TRAP1: variants seen among roughly 807,000 people sequenced by gnomAD.
TRAP1 encodes the protein heat shock protein 75 kDa, mitochondrial.
In TRAP1, 102 loss-of-function variants were observed where a neutral mutation model predicts 89.1. The observed-to-expected ratio is 1.15, with a 90% CI of 0.98 to 1.35. The LOEUF is 1.35. TRAP1 is among the 40% of genes most tolerant of loss of function. The pLI, the probability that TRAP1 is intolerant of heterozygous loss-of-function variation, is 0.00. For missense variants in TRAP1, 1,256 were observed against 945.3 expected (o/e 1.33, Z -4.31); for synonymous variants, 508 against 388.0 (o/e 1.31, Z -3.64).
At chr16:3,662,636 G>T (rs1476612953) in intron 15 of TRAP1, 1 of 671,828 alleles carries the variant, frequency 1.5e-6, no homozygotes, top group Non-Finnish European at 2.7e-6. Flanking sequence ...TCAGGATGCT[G>T]GTTTTTCAGT....
At chr16:3,715,928 T>TCTC (rs2051592558) in intron 1 of TRAP1, among the ~76,000 whole-genome samples, 1 of 152,200 alleles carries the variant, frequency 6.6e-6, no homozygotes, top group African/African-American at 2.4e-5. Flanking sequence ...AGTGGTGCAA[T>TCTC]CTCAGCTCAC....
At chr16:3,673,061 C>A (rs1405998920) in intron 9 of TRAP1, among the ~76,000 whole-genome samples, 4 of 152,084 alleles carry the variant, frequency 2.6e-5, no homozygotes, top group Admixed American at 2.6e-4. Context: ...AAGGAGGACA[C>A]AAGAGAGTGA....
intron 1 of TRAP1, among the ~76,000 whole-genome samples, chr16:3,705,481 G>T (rs1374740914): frequency 6.6e-6 from 1 of 152,078 alleles, no homozygotes; most frequent in African/African-American, 2.4e-5. Flanking sequence ...TGTCTCTATG[G>T]ATTTGCCTTT....
Position 3,669,703 on chromosome 16 carries a change from G to A in TRAP1, c.1235+2019C>T, listed in dbSNP as rs189454165. 2.6e-5 allele frequency among the ~76,000 whole-genome samples: 4 copies of A among 151,748 alleles called. No homozygotes were observed. The East Asian group carries it at 5.8e-4, about 22-fold the overall frequency. ...CAAAAAATTAGCTGGGCGTGGTGGTGGGTGCCTGTATCCCAGCTACTCGGG... is the reference window on the plus strand; with the variant it reads ...CAAAAAATTAGCTGGGCGTGGTGGTAGGTGCCTGTATCCCAGCTACTCGGG... On this transcript the variant is annotated intron_variant, in intron 11 of 17. Coordinates refer to ENST00000246957, the MANE Select transcript of TRAP1 (RefSeq NM_016292.3).
chr16:3,671,580 G>T, intron 11 of TRAP1, 142 bp downstream of exon 11: 2 of 805,938 alleles, frequency 2.5e-6, no homozygotes, highest in Non-Finnish European at 4.0e-6. Flanking sequence ...GAAGGCTCCT[G>T]AGGGCCCCCA....
chr16:3,687,435 C>G (rs2151267005), intron 3 of TRAP1: 1 of 152,358 alleles, frequency 6.6e-6, no homozygotes, highest in South Asian at 2.1e-4. Flanking sequence ...CTAATACACT[C>G]CTACTCCACA....
chr16:3,705,905 C>T (rs1319777422), intron 1 of TRAP1, among the ~76,000 whole-genome samples: 13 of 151,646 alleles, frequency 8.6e-5, no homozygotes, highest in Admixed American at 8.6e-4. Context: ...GTTGGTCAGG[C>T]TGGTCTCAAA....
intron 15 of TRAP1, 197 bp from the exon 16 acceptor site, chr16:3,662,329 G>A (rs945297911): frequency 4.4e-6 from 3 of 679,390 alleles, no homozygotes; most frequent in African/African-American, 3.6e-5. Flanking sequence ...CAAAGATACT[G>A]TGCCCGAGGG....
At chr16:3,712,284 T>TCAAAAAAAAAAAAAAAAA (rs2051541959) in intron 1 of TRAP1, among the ~76,000 whole-genome samples, 1 of 19,818 alleles carries the variant, frequency 5.0e-5, no homozygotes, top group Non-Finnish European at 9.9e-5. Context: ...AGAATCTGTC[T>TCAAAAAAAAAAAAAAAAA]CAAAAAAAAA....
chr16:3,702,932 C>CT (rs2051386940), intron 1 of TRAP1, among the ~76,000 whole-genome samples: 1 of 148,838 alleles, frequency 6.7e-6, no homozygotes. Flanking sequence ...ATCCCAGCTA[C>CT]TTGGGAGGCC....
rs376429015 is a variant in TRAP1, at chr16:3,658,782, G to A, written c.2013+11C>T. 1 of 1,612,944 alleles carries A rather than the reference G, an allele frequency of 6.2e-7. No homozygotes were observed. On this transcript the variant is annotated intron_variant, in intron 17 of 17. Transcript: ENST00000246957. ...TGGGTCCCTGCAGTCATCCTAAGCT[G>A]CTGCACTCACCTGATCCACCAGCAG... is the stretch of plus-strand genomic sequence containing the variant.
At chr16:3,710,060 C>T (rs537556881) in intron 1 of TRAP1, among the ~76,000 whole-genome samples, 22 of 152,322 alleles carry the variant, frequency 1.4e-4, no homozygotes, top group Non-Finnish European at 1.0e-4. Context: ...TTGAGGTTTC[C>T]TGTGTTCCAG....
At chr16:3,662,609 G>A in intron 15 of TRAP1, 1 of 649,414 alleles carries the variant, frequency 1.5e-6, no homozygotes, top group Non-Finnish European at 2.9e-6. Context: ...CACGTCCTCA[G>A]CCATTGCAGC....
intron 1 of TRAP1, among the ~76,000 whole-genome samples, chr16:3,709,425 C>G (rs971019430): frequency 1.3e-5 from 2 of 152,162 alleles, no homozygotes; most frequent in African/African-American, 2.4e-5. Context: ...CATTCTAGCA[C>G]TGGTGAAGGT....
At chr16:3,696,241 G>A (rs1040257906) in intron 1 of TRAP1, among the ~76,000 whole-genome samples, 6 of 152,120 alleles carry the variant, frequency 3.9e-5, no homozygotes, top group Non-Finnish European at 7.4e-5. Context: ...AGATCCCTGC[G>A]GAGCACACAG....
chr16:3,682,414 C>G (rs2051084364), intron 4 of TRAP1, among the ~76,000 whole-genome samples: 3 of 151,660 alleles, frequency 2.0e-5, no homozygotes, highest in Non-Finnish European at 4.4e-5. Flanking sequence ...AAATTTCTCG[C>G]TCTGTCACGC....
intron 5 of TRAP1, chr16:3,677,871 T>A (rs2051020654): frequency 7.1e-6 from 4 of 567,086 alleles, no homozygotes; most frequent in African/African-American, 1.9e-5. Flanking sequence ...GTGGGACAAG[T>A]GTGTTTTCCA....
chr16:3,666,136 A>G lies in TRAP1; in HGVS notation c.1236-18T>C, dbSNP rs763502678. Reference sequence around the variant, plus strand: ...GGAGTTTCCTACAGAAAAGAAATGCATTTAATACATACAAGCAGCCTCTAT... The same window carrying G: ...GGAGTTTCCTACAGAAAAGAAATGCGTTTAATACATACAAGCAGCCTCTAT... On this transcript the variant is annotated intron_variant, in intron 11 of 17. Coordinates refer to ENST00000246957, the MANE Select transcript of TRAP1 (RefSeq NM_016292.3). 1.9e-5 allele frequency: 30 copies of G among 1,606,666 alleles called. No individual in the cohort carries two copies. Among genetic ancestry groups the G allele is most frequent in the Non-Finnish European group, 2.5e-5 (29 of 1,177,354 alleles).
At chr16:3,703,071 T>TAAAGAA (rs2051391003) in intron 1 of TRAP1, among the ~76,000 whole-genome samples, 1 of 123,282 alleles carries the variant, frequency 8.1e-6, no homozygotes, top group Non-Finnish European at 1.7e-5. Flanking sequence ...AAAAAAGCAT[T>TAAAGAA]CAGTAAGATG....
Sources: gnomAD v4.1 joint callset for allele counts (sites outside exome capture counted in the v4.1 genomes callset) on GRCh38, gnomAD v4.1.1 for gene constraint, MANE v1.5 for transcripts, NCBI Gene and HGNC (gene_info 2026-07-23, HGNC 2026-07-21) for gene names.